Variants in LRRC69 observed in about 807,000 individuals in gnomAD.
LRRC69 encodes the protein leucine rich repeat containing 69.
A neutral mutation model predicts 37.8 loss-of-function variants in LRRC69; 42 were observed. That is an observed-to-expected ratio of 1.11 (90% CI 0.87 to 1.44). LRRC69 has a LOEUF of 1.44. Among genes scored for constraint, LRRC69 ranks in the 40% most tolerant of loss-of-function variants. The pLI is 0.00. For synonymous variants in LRRC69, 141 were observed against 143.1 expected, an observed-to-expected ratio of 0.99 and a Z score of 0.11; for missense variants, 357 against 401.9, an observed-to-expected ratio of 0.89 and a Z score of 0.96.
intron 5 of LRRC69, among the ~76,000 whole-genome samples, chr8:91,148,280 T>G (rs1808660796): frequency 6.6e-6 from 1 of 151,360 alleles, no homozygotes; most frequent in South Asian, 2.1e-4. Flanking sequence ...CCCCTTCCTG[T>G]GTCCATGTGT....
intron 1 of LRRC69, among the ~76,000 whole-genome samples, chr8:91,113,453 A>G (rs1183216559): frequency 1.3e-5 from 2 of 152,070 alleles, no homozygotes; most frequent in African/African-American, 4.8e-5. Context: ...TGCGAAGAGC[A>G]CACATTGGGG....
At chr8:91,158,730 A>C in intron 5 of LRRC69, 1 of 987,090 alleles carries the variant, frequency 1.0e-6, no homozygotes, top group Non-Finnish European at 1.6e-6. Context: ...TGTTCTACAA[A>C]ATGAAGACAC....
intron 7 of LRRC69, among the ~76,000 whole-genome samples, chr8:91,202,037 C>G (rs1001893079): frequency 6.6e-6 from 1 of 151,984 alleles, no homozygotes; most frequent in African/African-American, 2.4e-5. Context: ...AAAATCACAT[C>G]TCTACTAAAA....
chr8:91,144,670 T>C (rs1286017505), intron 5 of LRRC69, among the ~76,000 whole-genome samples: 1 of 151,960 alleles, frequency 6.6e-6, no homozygotes. Flanking sequence ...TCTCTTTTTA[T>C]ACCCAATGAT....
chr8:91,160,619 A>C (rs192554562), intron 5 of LRRC69, among the ~76,000 whole-genome samples: 24 of 151,244 alleles, frequency 1.6e-4, no homozygotes, highest in Admixed American at 1.1e-3. Flanking sequence ...TCTCCTGCTG[A>C]CCATGTGAAG....
chr8:91,200,935 G>T (rs922380432), intron 7 of LRRC69, 143 bp downstream of exon 7: 28 of 670,582 alleles, frequency 4.2e-5, no homozygotes, highest in Non-Finnish European at 5.9e-5. Context: ...AGACAAATTT[G>T]GATAAGTGTC....
At chr8:91,194,795 C>A (rs527441135) in intron 6 of LRRC69, among the ~76,000 whole-genome samples, 4 of 152,222 alleles carry the variant, frequency 2.6e-5, no homozygotes, top group East Asian at 1.9e-4. Context: ...AAAAAACCAG[C>A]TCCTGGATTC....
intron 7 of LRRC69, among the ~76,000 whole-genome samples, chr8:91,213,233 T>G (rs1422147010): frequency 1.3e-5 from 2 of 152,152 alleles, no homozygotes; most frequent in Non-Finnish European, 2.9e-5. Context: ...GGGATTTTCT[T>G]TGTCGTTTCT....
intron 5 of LRRC69, chr8:91,158,561 C>T: frequency 2.5e-6 from 3 of 1,215,526 alleles, no homozygotes; most frequent in Non-Finnish European, 3.7e-6. Context: ...ACGGCCATAG[C>T]TTCTAATACA....
At chr8:91,159,016 A>G (rs962747837) in intron 5 of LRRC69, among the ~76,000 whole-genome samples, 19 of 151,248 alleles carry the variant, frequency 1.3e-4, no homozygotes, top group South Asian at 2.1e-4. Flanking sequence ...TATCACCACT[A>G]TTAGGGTTTT....
intron 7 of LRRC69, among the ~76,000 whole-genome samples, chr8:91,210,562 GACACACACACACACAC>G (rs35968986): frequency 1.4e-5 from 2 of 146,102 alleles, no homozygotes; most frequent in African/African-American, 5.0e-5. Context: ...CACACACACA[GACACACACACACACAC>G]ACACACACAC....
intron 5 of LRRC69, among the ~76,000 whole-genome samples, chr8:91,171,179 C>G (rs555649557): frequency 3.3e-5 from 5 of 152,008 alleles, no homozygotes; most frequent in Admixed American, 1.3e-4. Flanking sequence ...GTTTTATGTT[C>G]CTAAGGCTGA....
At chr8:91,210,224 G>C (rs141959431) in intron 7 of LRRC69, among the ~76,000 whole-genome samples, 2 of 152,124 alleles carry the variant, frequency 1.3e-5, no homozygotes, top group African/African-American at 4.8e-5. Context: ...GCAAAGTTAA[G>C]TAGTTTGTTC....
At chr8:91,134,314 G>A (rs1299012690) in intron 4 of LRRC69, among the ~76,000 whole-genome samples, 6 of 151,436 alleles carry the variant, frequency 4.0e-5, no homozygotes, top group Non-Finnish European at 7.4e-5. Flanking sequence ...GGAAGCAAAC[G>A]GTGTAATTCT....
At chr8:91,152,119 T>C (rs13278451) in intron 5 of LRRC69, among the ~76,000 whole-genome samples, 7,941 of 151,718 alleles carry the variant, frequency 0.052, 292 homozygotes, top group Middle Eastern at 0.16. Flanking sequence ...TTTCTTTTGC[T>C]GTGCATACAC....
intron 5 of LRRC69, among the ~76,000 whole-genome samples, chr8:91,141,704 A>G (rs546289303): frequency 6.6e-6 from 1 of 152,208 alleles, no homozygotes; most frequent in South Asian, 2.1e-4. Context: ...CATAAGAACA[A>G]GATAAATATG....
intron 1 of LRRC69, among the ~76,000 whole-genome samples, chr8:91,117,951 G>A (rs1007372239): frequency 2.6e-5 from 4 of 151,550 alleles, no homozygotes; most frequent in African/African-American, 9.7e-5. Context: ...AAGGGAAAAT[G>A]GAAAAAATTT....
At chr8:91,183,092 A>G (rs960058545) in intron 5 of LRRC69, among the ~76,000 whole-genome samples, 4 of 152,212 alleles carry the variant, frequency 2.6e-5, no homozygotes, top group Non-Finnish European at 5.9e-5. Context: ...ACTGGAAGAA[A>G]TTCAGTGTGA....
At chr8:91,171,590 A>G (rs1425868081) in intron 5 of LRRC69, among the ~76,000 whole-genome samples, 3 of 152,028 alleles carry the variant, frequency 2.0e-5, no homozygotes, top group African/African-American at 7.2e-5. Flanking sequence ...AAAGTCTTGA[A>G]ATATTTTTAG....
Sources: gnomAD v4.1 joint callset for allele counts (sites outside exome capture counted in the v4.1 genomes callset) on GRCh38, gnomAD v4.1.1 for gene constraint, MANE v1.5 for transcripts, NCBI Gene and HGNC (gene_info 2026-07-23, HGNC 2026-07-21) for gene names.